NUDT4: variants seen among roughly 807,000 people sequenced by gnomAD.
NUDT4 encodes diphosphoinositol polyphosphate phosphohydrolase 2.
A neutral mutation model predicts 23.1 loss-of-function variants in NUDT4; 5 were observed. That is an observed-to-expected ratio of 0.22 (90% CI 0.11 to 0.46). The LOEUF is 0.46. NUDT4 is among the 20% of genes least tolerant of loss of function. The pLI is 0.99. For synonymous variants in NUDT4, 50 were observed against 79.0 expected (o/e 0.63, Z 1.95); for missense variants, 96 against 211.6 (o/e 0.45, Z 3.39).
chr12:93,378,251 G>A lies in NUDT4; in HGVS notation c.-72G>A, dbSNP rs888277836. ...CGACTCGCCCTCGCCCCCACTCCCC[G>A]GCGGGGTGGCGGCGGCCGGGCCCCC... On this transcript the variant is annotated 5_prime_UTR_variant, in exon 1 of 5. Coordinates refer to ENST00000415493, the MANE Select transcript of NUDT4 (RefSeq NM_019094.6). 1.6e-6 allele frequency: 1 copy of A among 622,042 alleles called. No individual in the cohort carries two copies. Among genetic ancestry groups the A allele is most frequent in the Non-Finnish European group, 2.5e-6 (1 of 398,514 alleles). The allele number at this position is 622,042 out of a possible 1,614,324, so 38.5% of individuals were successfully genotyped here.
intron 1 of NUDT4, 148 bp downstream of exon 1, chr12:93,378,569 TCCTCCCTCACTTCTTC>T: frequency 7.7e-7 from 1 of 1,300,820 alleles, no homozygotes; most frequent in Non-Finnish European, 9.8e-7. Context: ...CTCACTCCTT[TCCTCCCTCACTTCTTC>T]CTTCCTTTCT....
chr12:93,381,721 A>C (rs539506434), intron 1 of NUDT4, among the ~76,000 whole-genome samples: 1 of 152,348 alleles, frequency 6.6e-6, no homozygotes, highest in South Asian at 2.1e-4. Context: ...GCATAGAATC[A>C]GTAATAGTTG....
intron 1 of NUDT4, among the ~76,000 whole-genome samples, chr12:93,391,649 A>G (rs761341356): frequency 6.6e-6 from 1 of 151,738 alleles, no homozygotes; most frequent in African/African-American, 2.4e-5. Flanking sequence ...GAGTGAGAGG[A>G]TCACTTGAGC....
intron 1 of NUDT4, among the ~76,000 whole-genome samples, chr12:93,387,564 G>C (rs1565778192): frequency 6.6e-6 from 1 of 152,162 alleles, no homozygotes. Context: ...GAAACACTGA[G>C]TTATGTTTTC....
chr12:93,382,305 C>G (rs1432224111), intron 1 of NUDT4, among the ~76,000 whole-genome samples: 1 of 151,378 alleles, frequency 6.6e-6, no homozygotes, highest in Non-Finnish European at 1.5e-5. Flanking sequence ...CACTACTCTT[C>G]CATAGGACTT....
At chr12:93,392,792 C>T (rs1284771156) in intron 1 of NUDT4, among the ~76,000 whole-genome samples, 4 of 126,932 alleles carry the variant, frequency 3.2e-5, no homozygotes, top group Non-Finnish European at 6.6e-5. Context: ...GATTCTCATG[C>T]CTCAGTCTCC....
rs539960899 is a variant in NUDT4 at position 93,404,244 on chromosome 12, A to G, written c.*4865A>G. The G allele has an allele frequency of 3.3e-5, 5 of 152,374 alleles. No individual in the cohort carries two copies. In the South Asian group the frequency reaches 8.3e-4, roughly 25 times the overall value. The allele number at this position is 152,374 out of a possible 1,614,324, so 9.4% of individuals were successfully genotyped here. A position where few individuals can be genotyped will look rare whatever the true frequency, so the allele number is the denominator to read the frequency against. On this transcript the variant is annotated 3_prime_UTR_variant, in exon 5 of 5. Coordinates refer to ENST00000415493, the MANE Select transcript of NUDT4 (RefSeq NM_019094.6). The stretch of plus-strand genomic sequence containing the variant: ...TCTACGGGAATGTGGACAAAGACAT[A>G]TACCAAGACAAGGCACTAGAGTGAA...
At chr12:93,398,544 C>A (rs943411871) in intron 3 of NUDT4, among the ~76,000 whole-genome samples, 16 of 152,038 alleles carry the variant, frequency 1.1e-4, no homozygotes, top group Admixed American at 3.3e-4. Context: ...GCCAATTTCA[C>A]CACCAGTAAT....
At chr12:93,385,970 T>TATATACAC (rs1243696865) in intron 1 of NUDT4, among the ~76,000 whole-genome samples, 1 of 118,624 alleles carries the variant, frequency 8.4e-6, no homozygotes, top group Non-Finnish European at 1.8e-5. Context: ...TATATATATA[T>TATATACAC]ACATAATTTT....
rs544825918 is a variant in NUDT4 at position 93,377,953 on chromosome 12, A to C, written c.-370A>C. On this transcript the variant is annotated 5_prime_UTR_variant, in exon 1 of 5. Transcript: ENST00000415493. ...CGCCGCGGTGCTGCTGCTCAGTGGG[A>C]GCGGGTCTTCGCAACTGTCTCCGCG... 320 of 275,646 alleles carry C rather than the reference A, an allele frequency of 1.2e-3. No individual in the cohort carries two copies. The highest frequency in any genetic ancestry group is 1.5e-3 in the Non-Finnish European group (209 of 138,974). The allele number at this position is 275,646 out of a possible 1,614,324, so 17.1% of individuals were successfully genotyped here. A position where few individuals can be genotyped will look rare whatever the true frequency, so the allele number is the denominator to read the frequency against.
In NUDT4 at chr12:93,380,184, G is replaced by T. The variant is rs1175058535; in HGVS notation, c.99+1763G>T. Among the ~76,000 whole-genome samples the T allele has an allele frequency of 2.6e-5, 4 of 152,122 alleles. No homozygotes were observed. In the East Asian group the frequency reaches 7.7e-4, roughly 29 times the overall value. ...GATTTTTGTGAGGCTAAGTTTGGAA[G>T]CCTATCTGAAAGTGGTGACTGAAGT... On this transcript the variant is annotated intron_variant, in intron 1 of 4. Coordinates refer to ENST00000415493, the MANE Select transcript of NUDT4 (RefSeq NM_019094.6).
chr12:93,379,225 T>C (rs536641705), intron 1 of NUDT4, among the ~76,000 whole-genome samples: 1 of 152,334 alleles, frequency 6.6e-6, no homozygotes, highest in South Asian at 2.1e-4. Flanking sequence ...CCCATCTGCA[T>C]TGGGCTGAGA....
chr12:93,383,641 G>A (rs927440289), intron 1 of NUDT4, among the ~76,000 whole-genome samples: 4 of 152,182 alleles, frequency 2.6e-5, no homozygotes, highest in Admixed American at 2.6e-4. Flanking sequence ...AGACCAGCCT[G>A]GGCAACATGG....
intron 3 of NUDT4, among the ~76,000 whole-genome samples, chr12:93,396,642 G>A (rs771073226): frequency 5.3e-4 from 80 of 152,274 alleles, no homozygotes; most frequent in Non-Finnish European, 9.9e-4. Context: ...GGCCGGGCGT[G>A]GTGGCTCATG....
At chr12:93,386,557 G>C (rs545348543) in intron 1 of NUDT4, among the ~76,000 whole-genome samples, 15 of 151,944 alleles carry the variant, frequency 9.9e-5, no homozygotes, top group African/African-American at 3.4e-4. Context: ...TCCAACCTGG[G>C]TGACAGAGTG....
At chr12:93,391,486 A>G (rs1186173497) in intron 1 of NUDT4, among the ~76,000 whole-genome samples, 3 of 151,006 alleles carry the variant, frequency 2.0e-5, no homozygotes, top group Non-Finnish European at 4.4e-5. Context: ...AATCACTTGA[A>G]CCCGGGAGGC....
At chr12:93,386,100 C>T (rs967124092) in intron 1 of NUDT4, among the ~76,000 whole-genome samples, 3 of 151,576 alleles carry the variant, frequency 2.0e-5, no homozygotes, top group South Asian at 2.1e-4. Flanking sequence ...CTCAGCCCCC[C>T]GAGTAGCTTG....
Position 93,406,790 on chromosome 12 carries a change from G to C in NUDT4, c.*7411G>C, listed in dbSNP as rs117777833. 0.022 allele frequency: 3,401 copies of C among 152,220 alleles called. 68 individuals carry two copies. Among genetic ancestry groups the C allele is most frequent in the Admixed American group, 0.04 (606 of 15,280 alleles). 9.4% of individuals were successfully genotyped at this position (152,220 alleles called of 1,614,324 possible). ...CAACATCATTTTATTCCAGAGACTT[G>C]AGCATCTGCGAATTTGGATATCCAA... is the stretch of plus-strand genomic sequence containing the variant. On this transcript the variant is annotated 3_prime_UTR_variant, in exon 5 of 5. Coordinates refer to ENST00000415493, the MANE Select transcript of NUDT4 (RefSeq NM_019094.6).
In NUDT4 at chr12:93,404,473, G is replaced by C. The variant is rs970227925; in HGVS notation, c.*5094G>C. The stretch of plus-strand genomic sequence containing the variant: ...CTTTCACCCAACAGTTCCACTCCTG[G>C]GAGTCTAGTCAACAAATGGACAAGT... On this transcript the variant is annotated 3_prime_UTR_variant, in exon 5 of 5. Transcript: ENST00000415493. The C allele has an allele frequency of 3.3e-5, 5 of 152,290 alleles. 1 individual carries two copies. Among genetic ancestry groups the C allele is most frequent in the East Asian group, 1.9e-4 (1 of 5,184 alleles). 9.4% of individuals were successfully genotyped at this position (152,290 alleles called of 1,614,324 possible). A position where few individuals can be genotyped will look rare whatever the true frequency, so the allele number is the denominator to read the frequency against.
Sources: gnomAD v4.1 joint callset for allele counts (sites outside exome capture counted in the v4.1 genomes callset) on GRCh38, gnomAD v4.1.1 for gene constraint, MANE v1.5 for transcripts, NCBI Gene and HGNC (gene_info 2026-07-23, HGNC 2026-07-21) for gene names.